Variants in PRKCE observed in about 807,000 individuals in gnomAD.
The protein encoded by PRKCE is protein kinase C epsilon type.
A neutral mutation model predicts 85.4 loss-of-function variants in PRKCE; 16 were observed. The ratio of observed to expected loss-of-function variants is 0.19; its 90% CI spans 0.13 to 0.28. The LOEUF is 0.28. Ranked by LOEUF, PRKCE falls within the 10% of genes least tolerant of loss-of-function variation. PRKCE has a pLI of 1.00. For synonymous variants in PRKCE, 388 were observed against 371.5 expected (o/e 1.04, Z -0.51); for missense variants, 573 against 975.2 (o/e 0.59, Z 5.49).
intron 10 of PRKCE, among the ~76,000 whole-genome samples, chr2:46,084,357 A>G (rs976280672): frequency 6.6e-6 from 1 of 152,172 alleles, no homozygotes; most frequent in African/African-American, 2.4e-5. Context: ...CTCATTGGTA[A>G]ATGTTACTGA....
intron 1 of PRKCE, among the ~76,000 whole-genome samples, chr2:45,832,591 G>A (rs1490120181): frequency 1.3e-5 from 2 of 152,020 alleles, no homozygotes; most frequent in Non-Finnish European, 2.9e-5. Flanking sequence ...GATTACAGGC[G>A]TGAGCCACCG....
At chr2:46,007,379 G>A in intron 8 of PRKCE, 83 bp from the exon 9 acceptor site, 1 of 1,380,528 alleles carries the variant, frequency 7.2e-7, no homozygotes, top group Non-Finnish European at 1.0e-6. Context: ...AGAGCTTACA[G>A]GGGAAAGTCT....
chr2:46,107,924 TTTTG>T (rs1671888564), intron 11 of PRKCE, among the ~76,000 whole-genome samples: 1 of 151,870 alleles, frequency 6.6e-6, no homozygotes, highest in African/African-American at 2.4e-5. Context: ...TTGTTGAGGG[TTTTG>T]TTTTTGTTTT....
intron 10 of PRKCE, among the ~76,000 whole-genome samples, chr2:46,032,122 A>G (rs1458049465): frequency 3.3e-5 from 5 of 152,222 alleles, no homozygotes; most frequent in African/African-American, 1.2e-4. Flanking sequence ...GGCCTTTAGC[A>G]CAGTGCCTGG....
At chr2:45,732,554 C>T (rs1297057108) in intron 1 of PRKCE, among the ~76,000 whole-genome samples, 3 of 152,106 alleles carry the variant, frequency 2.0e-5, no homozygotes, top group East Asian at 1.9e-4. Context: ...TTACTTATAG[C>T]TTACTTTGGG....
chr2:45,779,510 A>T (rs560277867), intron 1 of PRKCE, among the ~76,000 whole-genome samples: 2 of 151,800 alleles, frequency 1.3e-5, no homozygotes, highest in Non-Finnish European at 2.9e-5. Flanking sequence ...AGCTCCAGGG[A>T]GTCACTGCGA....
chr2:45,836,654 G>A (rs1690903302), intron 1 of PRKCE, among the ~76,000 whole-genome samples: 1 of 152,108 alleles, frequency 6.6e-6, no homozygotes, highest in Admixed American at 6.5e-5. Context: ...ACAGGACTTG[G>A]GCAGTGGGCC....
At chr2:46,168,877 A>G (rs930821441) in intron 14 of PRKCE, among the ~76,000 whole-genome samples, 6 of 152,138 alleles carry the variant, frequency 3.9e-5, no homozygotes, top group Non-Finnish European at 7.4e-5. Flanking sequence ...ATCCTATCCA[A>G]GTGGGTCTGC....
intron 1 of PRKCE, among the ~76,000 whole-genome samples, chr2:45,794,504 G>GCGGTATTCTAGCA (rs1687268542): frequency 6.6e-6 from 1 of 152,154 alleles, no homozygotes; most frequent in African/African-American, 2.4e-5. Context: ...TCTCATTCCT[G>GCGGTATTCTAGCA]CGGTATTCTA....
intron 2 of PRKCE, among the ~76,000 whole-genome samples, chr2:45,867,000 C>T (rs187186652): frequency 2.4e-4 from 37 of 152,302 alleles, no homozygotes; most frequent in African/African-American, 8.4e-4. Context: ...ATGCACAGGT[C>T]CCACTCCAGA....
intron 10 of PRKCE, among the ~76,000 whole-genome samples, chr2:46,039,115 T>A (rs939483194): frequency 2.6e-5 from 4 of 152,246 alleles, no homozygotes; most frequent in Non-Finnish European, 5.9e-5. Context: ...TCTACTTCTC[T>A]GTGTTTCGGA....
intron 2 of PRKCE, among the ~76,000 whole-genome samples, chr2:45,971,574 G>C (rs1702113886): frequency 6.6e-6 from 1 of 152,182 alleles, no homozygotes; most frequent in Non-Finnish European, 1.5e-5. Context: ...GAAGACAGTA[G>C]AACACTGAGT....
At chr2:45,739,131 C>G (rs1682334481) in intron 1 of PRKCE, among the ~76,000 whole-genome samples, 1 of 152,186 alleles carries the variant, frequency 6.6e-6, no homozygotes, top group African/African-American at 2.4e-5. Flanking sequence ...CCTCTCCAGG[C>G]TTAAATTCAA....
intron 8 of PRKCE, among the ~76,000 whole-genome samples, chr2:46,007,095 C>CT (rs1705271471): frequency 6.6e-6 from 1 of 152,114 alleles, no homozygotes; most frequent in Non-Finnish European, 1.5e-5. Flanking sequence ...TGAAGGATAC[C>CT]TGTGACTCTG....
At chr2:45,748,443 CTCT>C (rs1683305519) in intron 1 of PRKCE, among the ~76,000 whole-genome samples, 1 of 152,212 alleles carries the variant, frequency 6.6e-6, no homozygotes, top group African/African-American at 2.4e-5. Flanking sequence ...TTGCTCATCA[CTCT>C]TCTTCTCTGG....
chr2:46,055,247 C>A (rs947871383), intron 10 of PRKCE, among the ~76,000 whole-genome samples: 3 of 152,208 alleles, frequency 2.0e-5, no homozygotes, highest in African/African-American at 7.2e-5. Context: ...GCCACGGGGC[C>A]CTCACAGAGA....
intron 14 of PRKCE, among the ~76,000 whole-genome samples, chr2:46,177,877 T>C (rs1412863804): frequency 2.0e-5 from 3 of 152,180 alleles, no homozygotes; most frequent in Non-Finnish European, 4.4e-5. Flanking sequence ...TCACGCCAAG[T>C]AGAAAGTAAC....
chr2:46,094,625 C>T (rs990559218), intron 11 of PRKCE, among the ~76,000 whole-genome samples: 6 of 69,842 alleles, frequency 8.6e-5, no homozygotes, highest in Admixed American at 2.2e-4. Flanking sequence ...TGGGGTCTGT[C>T]GGGGATGGGG....
intron 10 of PRKCE, among the ~76,000 whole-genome samples, chr2:46,057,400 A>T (rs1666685290): frequency 6.6e-6 from 1 of 152,100 alleles, no homozygotes; most frequent in South Asian, 2.1e-4. Context: ...AGTATTGGAA[A>T]CAGAGGGAAC....
Sources: gnomAD v4.1 joint callset for allele counts (sites outside exome capture counted in the v4.1 genomes callset) on GRCh38, gnomAD v4.1.1 for gene constraint, MANE v1.5 for transcripts, NCBI Gene and HGNC (gene_info 2026-07-23, HGNC 2026-07-21) for gene names.